IQGAP2: variants seen among roughly 807,000 people sequenced by gnomAD.
IQGAP2 encodes IQ motif containing GTPase activating protein 2, also known as ras GTPase-activating-like protein IQGAP2.
A neutral mutation model predicts 201.3 loss-of-function variants in IQGAP2; 173 were observed. That is an observed-to-expected ratio of 0.86 (90% CI 0.76 to 0.98). IQGAP2 has a LOEUF of 0.98. Ranked by LOEUF, IQGAP2 falls within the 50% of genes least tolerant of loss-of-function variation. The pLI is 0.00. For missense variants in IQGAP2, 1,687 were observed against 1,864.8 expected, an observed-to-expected ratio of 0.90 and a Z score of 1.76; for synonymous variants, 675 against 673.9, an observed-to-expected ratio of 1.00 and a Z score of -0.03.
At chr5:76,609,651 T>C (rs2150337538) in intron 12 of IQGAP2, among the ~76,000 whole-genome samples, 1 of 152,302 alleles carries the variant, frequency 6.6e-6, no homozygotes, top group Non-Finnish European at 1.5e-5. Context: ...AGTTGTGAAG[T>C]GACGGGTGAT....
intron 1 of IQGAP2, among the ~76,000 whole-genome samples, chr5:76,441,743 A>C (rs1753052677): frequency 6.6e-6 from 1 of 152,210 alleles, no homozygotes; most frequent in Non-Finnish European, 1.5e-5. Flanking sequence ...AGGCATGTAA[A>C]AGATATCAAA....
intron 2 of IQGAP2, among the ~76,000 whole-genome samples, chr5:76,484,764 C>T (rs947784807): frequency 3.9e-5 from 6 of 152,066 alleles, no homozygotes; most frequent in Non-Finnish European, 7.4e-5. Context: ...AGTCCTCCCA[C>T]TTCAGCCTCC....
At chr5:76,638,156 T>G (rs1355838336) in intron 16 of IQGAP2, among the ~76,000 whole-genome samples, 1 of 152,216 alleles carries the variant, frequency 6.6e-6, no homozygotes, top group Non-Finnish European at 1.5e-5. Flanking sequence ...CATTTGTTAT[T>G]TTAAATAAAA....
At chr5:76,619,201 G>A (rs1444062472) in intron 13 of IQGAP2, among the ~76,000 whole-genome samples, 1 of 152,148 alleles carries the variant, frequency 6.6e-6, no homozygotes, top group African/African-American at 2.4e-5. Context: ...ATTTCTATCT[G>A]TAAGTAATGC....
chr5:76,684,512 CAG>C (rs1745567204), intron 30 of IQGAP2, among the ~76,000 whole-genome samples: 1 of 152,180 alleles, frequency 6.6e-6, no homozygotes. Context: ...CCTTTACACA[CAG>C]AGTAAGAAAG....
At chr5:76,597,224 A>G (rs747683865) in intron 9 of IQGAP2, 3 of 569,780 alleles carry the variant, frequency 5.3e-6, no homozygotes, top group South Asian at 2.1e-5. Context: ...AGCTCCATCA[A>G]TGCTAAGGTT....
chr5:76,661,100 C>T (rs1743209690), intron 21 of IQGAP2, among the ~76,000 whole-genome samples: 1 of 152,168 alleles, frequency 6.6e-6, no homozygotes, highest in Admixed American at 6.5e-5. Context: ...TCCCCCTCCT[C>T]CCCACACCTT....
intron 1 of IQGAP2, among the ~76,000 whole-genome samples, chr5:76,420,295 C>T (rs981791516): frequency 9.2e-5 from 14 of 151,850 alleles, no homozygotes; most frequent in African/African-American, 3.1e-4. Context: ...ATCATTCTTA[C>T]CATTTTTCAG....
chr5:76,546,959 C>A (rs753227036), intron 2 of IQGAP2, among the ~76,000 whole-genome samples: 6 of 152,102 alleles, frequency 3.9e-5, no homozygotes, highest in Admixed American at 6.6e-5. Context: ...CAATGATTGA[C>A]GGCATCTAGT....
chr5:76,415,839 G>A (rs769384810), intron 1 of IQGAP2, among the ~76,000 whole-genome samples: 6 of 152,118 alleles, frequency 3.9e-5, no homozygotes, highest in East Asian at 3.9e-4. Flanking sequence ...CAGCTACTCC[G>A]GAGGCTTAGG....
chr5:76,526,667 G>C (rs1758993852), intron 2 of IQGAP2, among the ~76,000 whole-genome samples: 1 of 152,156 alleles, frequency 6.6e-6, no homozygotes, highest in Non-Finnish European at 1.5e-5. Flanking sequence ...TAGGTCCCCA[G>C]ATGATTGATT....
At chr5:76,618,746 T>A in intron 13 of IQGAP2, 1 of 1,044,538 alleles carries the variant, frequency 9.6e-7, no homozygotes, top group Non-Finnish European at 1.4e-6. Flanking sequence ...TTTAAGATCA[T>A]TTTTATTTTA....
At chr5:76,652,523 C>G (rs1752598323) in intron 17 of IQGAP2, among the ~76,000 whole-genome samples, 1 of 152,106 alleles carries the variant, frequency 6.6e-6, no homozygotes, top group African/African-American at 2.4e-5. Flanking sequence ...TAATTTATCA[C>G]CCTTACTCTG....
At chr5:76,569,499 A>G (rs866289859) in intron 3 of IQGAP2, among the ~76,000 whole-genome samples, 3 of 152,208 alleles carry the variant, frequency 2.0e-5, no homozygotes, top group Admixed American at 1.3e-4. Flanking sequence ...ATTTACATGA[A>G]GTGATTGGAA....
intron 22 of IQGAP2, among the ~76,000 whole-genome samples, chr5:76,667,577 A>G (rs1743894123): frequency 1.3e-5 from 2 of 152,120 alleles, no homozygotes; most frequent in Admixed American, 6.5e-5. Flanking sequence ...TCTGTATCCA[A>G]TGGGTCCATC....
chr5:76,410,984 A>G (rs1196790901), intron 1 of IQGAP2, among the ~76,000 whole-genome samples: 1 of 152,160 alleles, frequency 6.6e-6, no homozygotes, highest in Non-Finnish European at 1.5e-5. Flanking sequence ...TTTATTTAGT[A>G]TATGCAGTGG....
chr5:76,560,804 C>T (rs772762677), intron 2 of IQGAP2, among the ~76,000 whole-genome samples: 2 of 152,014 alleles, frequency 1.3e-5, no homozygotes, highest in South Asian at 2.1e-4. Context: ...TATACTATTC[C>T]CCTCCCATCC....
chr5:76,632,128 C>T, intron 15 of IQGAP2, 102 bp downstream of exon 15: 2 of 1,019,852 alleles, frequency 2.0e-6, no homozygotes, highest in Non-Finnish European at 2.7e-6. Context: ...TTCAAATTAA[C>T]ATTTCTGTAA....
At chr5:76,562,351 T>TA in intron 2 of IQGAP2, 45 bp from the exon 3 acceptor site, 1 of 1,449,452 alleles carries the variant, frequency 6.9e-7, no homozygotes. Flanking sequence ...TGCAGAAAGT[T>TA]ACCCAACTGG....
Sources: gnomAD v4.1 joint callset for allele counts (sites outside exome capture counted in the v4.1 genomes callset) on GRCh38, gnomAD v4.1.1 for gene constraint, MANE v1.5 for transcripts, NCBI Gene and HGNC (gene_info 2026-07-23, HGNC 2026-07-21) for gene names.